KMT2D: variants seen among roughly 807,000 people sequenced by gnomAD.
KMT2D encodes lysine methyltransferase 2D, also known as histone-lysine N-methyltransferase 2D.
Under a neutral mutation model 512.7 loss-of-function variants are expected in KMT2D, and 55 were observed. The ratio of observed to expected loss-of-function variants is 0.11; its 90% CI spans 0.09 to 0.13. KMT2D has a LOEUF of 0.13. Among genes scored for constraint, KMT2D ranks in the 10% least tolerant of loss-of-function variants. The pLI is 1.00. For synonymous variants in KMT2D, 2,995 were observed against 2,904.0 expected (o/e 1.03, Z -1.01); for missense variants, 6,061 against 7,127.9 (o/e 0.85, Z 5.39).
rs552181312 is a variant in KMT2D at position 49,024,777 on chromosome 12, G to A, written c.15921+33C>T. The A allele has an allele frequency of 7.8e-5, 125 of 1,607,604 alleles. No individual in the cohort carries two copies. The highest frequency in any genetic ancestry group is 5.5e-4 in the South Asian group (50 of 90,580). On this transcript the variant is annotated intron_variant, in intron 50 of 54. Coordinates refer to ENST00000301067, the MANE Select transcript of KMT2D (RefSeq NM_003482.4). The surrounding 1 kb of genome is among the most constrained non-coding windows in gnomAD (Gnocchi z 4.5). ...GGTTAGGCCAAAGTTCTCAGTGCCC[G>A]CCAAGCCCCCCAGCTCCCAGCCCCT...
Position 49,042,215 on chromosome 12 carries a change from C to T in KMT2D, c.5983G>A (p.Gly1995Arg), listed in dbSNP as rs1393276376. The T allele has an allele frequency of 4.4e-6, 7 of 1,602,670 alleles. No individual in the cohort carries two copies. Among genetic ancestry groups the T allele is most frequent in the Admixed American group, 1.7e-5 (1 of 58,020 alleles). ...TTPTTEGEGD[G>R]LSYNQRSLQR... ...AGACTCCGCTGGTTATAGGAGAGTCCGTCGCCCTCACCCTCCGTGGTGGGG... is the reference window on the plus strand; with the variant it reads ...AGACTCCGCTGGTTATAGGAGAGTCTGTCGCCCTCACCCTCCGTGGTGGGG... Residue 1995 changes from glycine (G) to arginine (R), a missense_variant, in exon 29 of 55, where the codon GGA becomes AGA. Gly to Arg is a moderately radical substitution (Grantham distance 125, BLOSUM62 -2). This residue lies in a region of KMT2D where 640 missense variants were observed against 814.3 expected (regional missense o/e 0.79). Transcript: ENST00000301067. This position sits in a 1 kb window ranked among gnomAD's most constrained non-coding sequence, Gnocchi z 4.4.
At position 49,050,119 on chromosome 12, in the gene KMT2D, G is replaced by A. The variant is rs1430307896; in HGVS notation, c.3469C>T (p.Pro1157Ser). 10 of 1,613,342 alleles carry A rather than the reference G, an allele frequency of 6.2e-6. No individual in the cohort carries two copies. Among genetic ancestry groups the A allele is most frequent in the Non-Finnish European group, 8.5e-6 (10 of 1,179,710 alleles). The change falls in exon 12 of 55, where the codon CCC (proline) becomes TCC (serine). Residue 1157 changes from proline to serine, a missense_variant. This residue lies in a region of KMT2D where 447 missense variants were observed against 500.1 expected (regional missense o/e 0.89). Coordinates refer to ENST00000301067, the MANE Select transcript of KMT2D (RefSeq NM_003482.4). Reference protein sequence around the residue: ...ELKGSPVLLDPEELAPVTPME... With the variant: ...ELKGSPVLLDSEELAPVTPME... ...GGGGTCACAGGGGCCAGCTCCTCGG[G>A]GTCCAGGAGCACAGGGGAGCCTTTA...
intron 46 of KMT2D, among the ~76,000 whole-genome samples, chr12:49,028,487 ACTTT>A (rs1289802769): frequency 2.0e-5 from 3 of 152,184 alleles, no homozygotes; most frequent in African/African-American, 4.8e-5. Context: ...GTGTTTTCCA[ACTTT>A]CTTTGACCAC....
rs1400977969 is a variant in KMT2D, at chr12:49,052,176, G to A, written c.1507C>T (p.Leu503=). ...PLSPPPEESP[L]SPPPESSPFS... Reference sequence around the variant, plus strand: ...GGTGATGATTCAGGTGGGGGAGACAGAGGAGACTCCTCAGGCGGCGGAGAG... The same window carrying A: ...GGTGATGATTCAGGTGGGGGAGACAAAGGAGACTCCTCAGGCGGCGGAGAG... Residue 503 remains leucine (L), a synonymous_variant, in exon 11 of 55, where the codon CTG becomes TTG. Transcript: ENST00000301067. 4.3e-6 allele frequency: 7 copies of A among 1,612,944 alleles called. No individual in the cohort carries two copies. The African/African-American group carries it at 6.7e-5, about 15-fold the overall frequency.
chr12:49,034,350 C>T, intron 38 of KMT2D, 51 bp from the exon 39 acceptor site: 1 of 1,610,598 alleles, frequency 6.2e-7, no homozygotes, highest in Non-Finnish European at 8.5e-7. Context: ...ATCCCAATCC[C>T]TCTTCCTCCA....
Position 49,019,227 on chromosome 12 carries a change from T to C in KMT2D, c.*2553A>G, listed in dbSNP as rs771209128. 8 of 926,042 alleles carry C rather than the reference T, an allele frequency of 8.6e-6. No homozygotes were observed. The highest frequency in any genetic ancestry group is 1.1e-5 in the Non-Finnish European group (8 of 751,272). The allele number at this position is 926,042 out of a possible 1,614,324, so 57.4% of individuals were successfully genotyped here. A position where few individuals can be genotyped will look rare whatever the true frequency, so the allele number is the denominator to read the frequency against. ...GATACACACAACACAAAATAAAGTCTTCACGGGATTCACACTTGTCAGCGA... is the reference window on the plus strand; with the variant it reads ...GATACACACAACACAAAATAAAGTCCTCACGGGATTCACACTTGTCAGCGA... On this transcript the variant is annotated 3_prime_UTR_variant, in exon 55 of 55. Transcript: ENST00000301067.
At position 49,033,081 on chromosome 12, in the gene KMT2D, TG is replaced by T; in HGVS notation, c.11623del (p.His3875IlefsTer6). ...GTGTGACATCAGACTCTGCTGAAGA[TG>T]GGACAGCCCTGCCATGGACCCTTGC... ...QQQGSMAGLS[H>X]LQQSLMSHSG... is the part of the protein sequence containing the mutation. On this transcript the variant is annotated frameshift_variant, in exon 40 of 55. Transcript: ENST00000301067. LOFTEE classifies it high-confidence loss of function. 1 of 1,551,634 alleles carries T rather than the reference TG, an allele frequency of 6.4e-7. No homozygotes were observed. Among genetic ancestry groups the T allele is most frequent in the Non-Finnish European group, 8.7e-7 (1 of 1,146,962 alleles).
intron 1 of KMT2D, 35 bp from the exon 2 acceptor site, chr12:49,055,396 T>C: frequency 7.1e-7 from 1 of 1,399,950 alleles, no homozygotes; most frequent in Non-Finnish European, 9.9e-7. Flanking sequence ...ATATGCCTAC[T>C]AAGTCTTCCC....
intron 43 of KMT2D, 40 bp from the exon 44 acceptor site, chr12:49,029,516 G>T: frequency 6.8e-7 from 1 of 1,462,210 alleles, no homozygotes; most frequent in Non-Finnish European, 9.4e-7. Flanking sequence ...AGGTGAGGGT[G>T]GCCAGGGCTG....
chr12:49,031,974 T>A lies in KMT2D; in HGVS notation c.12731A>T (p.Gln4244Leu). 1 of 1,573,380 alleles carries A rather than the reference T, an allele frequency of 6.4e-7. No homozygotes were observed. The highest frequency in any genetic ancestry group is 1.2e-5 in the South Asian group (1 of 85,240). Residue 4244 changes from glutamine to leucine, a missense_variant, in exon 40 of 55, where the codon CAG becomes CTG. Physicochemically the swap from Gln to Leu is moderately radical, Grantham distance 113. Around this residue, in one of 16 missense-constraint regions of KMT2D, gnomAD observed 1,600 missense variants for 1,754.9 expected, o/e 0.91. Transcript: ENST00000301067. ...SQAVRQTPPY[Q>L]EPGTQTSPLQ... ...GGGAGAGGTCTGGGTCCCAGGCTCC[T>A]GGTAGGGTGGGGTCTGGCGTACTGC...
At position 49,033,463 on chromosome 12, in the gene KMT2D, G is replaced by C. The variant is rs929327515; in HGVS notation, c.11242C>G (p.Leu3748Val). 6.2e-7 allele frequency: 1 copy of C among 1,607,066 alleles called. No homozygotes were observed. Among genetic ancestry groups the C allele is most frequent in the Non-Finnish European group, 8.5e-7 (1 of 1,176,830 alleles). The change falls in exon 40 of 55, where the codon CTA becomes GTA. Residue 3748 changes from leucine to valine, a missense_variant. Around this residue, in one of 16 missense-constraint regions of KMT2D, gnomAD observed 1,600 missense variants for 1,754.9 expected, o/e 0.91. Coordinates refer to ENST00000301067, the MANE Select transcript of KMT2D (RefSeq NM_003482.4). Reference protein sequence around the residue: ...QQQQQQQQHLLGQVAIQQQQQ... With the variant: ...QQQQQQQQHLVGQVAIQQQQQ... ...TGCTGCTGGATTGCCACCTGTCCTA[G>C]AAGGTGCTGCTGCTGCTGTTGCTGC...
In KMT2D at chr12:49,031,507, C is replaced by T. The variant is rs1292780677; in HGVS notation, c.13198G>A (p.Asp4400Asn). 6.2e-7 allele frequency: 1 copy of T among 1,611,902 alleles called. No homozygotes were observed. The highest frequency in any genetic ancestry group is 1.3e-5 in the African/African-American group (1 of 74,852). The change falls in exon 40 of 55, where the codon GAC becomes AAC. Residue 4400 changes from aspartate (D) to asparagine (N), a missense_variant. Physicochemically the swap from Asp to Asn is conservative, Grantham distance 23. Transcript: ENST00000301067. ...EQSSLVPGHL[D>N]QVNGQVVPEA... ...GGCACCACCTGTCCATTCACCTGGTCCAGATGCCCAGGTACCAGGCTGCTC... is the reference window on the plus strand; with the variant it reads ...GGCACCACCTGTCCATTCACCTGGTTCAGATGCCCAGGTACCAGGCTGCTC...
At chr12:49,057,909 C>A (rs1291793093) in intron 1 of KMT2D, among the ~76,000 whole-genome samples, 1 of 152,168 alleles carries the variant, frequency 6.6e-6, no homozygotes, top group Admixed American at 6.5e-5. Context: ...CAGTCCTATA[C>A]CTAAGAGGTC....
Position 49,046,429 on chromosome 12 carries a change from T to TAGGAGC in KMT2D, c.4419-11_4419-6dup. 6.2e-7 allele frequency: 1 copy of TAGGAGC among 1,613,122 alleles called. No homozygotes were observed. Among genetic ancestry groups the TAGGAGC allele is most frequent in the Non-Finnish European group, 8.5e-7 (1 of 1,179,366 alleles). On this transcript the variant is annotated splice_region_variant and splice_polypyrimidine_tract_variant and intron_variant, in intron 16 of 54. Coordinates refer to ENST00000301067, the MANE Select transcript of KMT2D (RefSeq NM_003482.4). The surrounding 1 kb of genome is among the most constrained non-coding windows in gnomAD (Gnocchi z 4.2). Reference sequence around the variant, plus strand: ...CACTGCATACAGGACACACACCTGATAGGAGCAGGAAAACAGAGCTTTAGC... The same window carrying TAGGAGC: ...CACTGCATACAGGACACACACCTGATAGGAGCAGGAGCAGGAAAACAGAGCTTTAGC...
At chr12:49,047,709 C>A (rs1277788302) in intron 15 of KMT2D, among the ~76,000 whole-genome samples, 1 of 152,102 alleles carries the variant, frequency 6.6e-6, no homozygotes, top group Non-Finnish European at 1.5e-5. Context: ...TGGGAGCCAC[C>A]ATGCCCAGCC....
Position 49,024,584 on chromosome 12 carries a change from T to C in KMT2D, c.16046A>G (p.Tyr5349Cys). The C allele has an allele frequency of 6.2e-7, 1 of 1,611,250 alleles. No individual in the cohort carries two copies. Among genetic ancestry groups the C allele is most frequent in the Non-Finnish European group, 8.5e-7 (1 of 1,178,394 alleles). Reference sequence around the variant, plus strand: ...TCCAGCATCACAAGCTCACCGTTTGTAGTGTGTGAGGATTTTAGGCTCTGA... The same window carrying C: ...TCCAGCATCACAAGCTCACCGTTTGCAGTGTGTGAGGATTTTAGGCTCTGA... ...ARSEPKILTH[Y>C]KRPHTLNSTS... Residue 5349 changes from tyrosine to cysteine, a missense_variant, in exon 51 of 55, where the codon TAC (tyrosine) becomes TGC (cysteine). Coordinates refer to ENST00000301067, the MANE Select transcript of KMT2D (RefSeq NM_003482.4). This position sits in a 1 kb window ranked among gnomAD's most constrained non-coding sequence, Gnocchi z 4.5.
At position 49,034,108 on chromosome 12, in the gene KMT2D, C is replaced by A. The variant is rs1386940539; in HGVS notation, c.10699G>T (p.Val3567Phe). 1.2e-6 allele frequency: 2 copies of A among 1,613,080 alleles called. No individual in the cohort carries two copies. Among genetic ancestry groups the A allele is most frequent in the Non-Finnish European group, 1.7e-6 (2 of 1,179,884 alleles). The change falls in exon 39 of 55, where the codon GTT becomes TTT. Residue 3567 changes from valine (V) to phenylalanine (F), a missense_variant. Val to Phe is a conservative substitution (Grantham distance 50, BLOSUM62 -1). Around this residue, in one of 16 missense-constraint regions of KMT2D, gnomAD observed 50 missense variants for 119.9 expected, o/e 0.42. Transcript: ENST00000301067. Reference protein sequence around the residue: ...PEADAEKLKLVTEQQSKIQKQ... With the variant: ...PEADAEKLKLFTEQQSKIQKQ... ...TGGATCTTGCTCTGCTGCTCTGTAA[C>A]CAGCTTGAGCTTCTCAGCATCAGCT...
intron 15 of KMT2D, 32 bp downstream of exon 15, chr12:49,047,933 C>G (rs1341496817): frequency 6.8e-7 from 1 of 1,474,366 alleles, no homozygotes; most frequent in South Asian, 1.1e-5. Context: ...GACCCTATTC[C>G]CCAGCCTACA....
rs1206271214 is a variant in KMT2D at position 49,024,288 on chromosome 12, G to C, written c.16052+290C>G. 6.6e-6 allele frequency among the ~76,000 whole-genome samples: 1 copy of C among 152,126 alleles called. No homozygotes were observed. The highest frequency in any genetic ancestry group is 2.4e-5 in the African/African-American group (1 of 41,416). On this transcript the variant is annotated intron_variant, in intron 51 of 54. Transcript: ENST00000301067. The surrounding 1 kb of genome is among the most constrained non-coding windows in gnomAD (Gnocchi z 4.5). ...CAGAAGTAAAACAGGAGAAGAAAGA[G>C]GTGACCAAGTCCCTTATATATTTCA...
Sources: gnomAD v4.1 joint callset for allele counts (sites outside exome capture counted in the v4.1 genomes callset) on GRCh38, gnomAD v4.1.1 for gene constraint, gnomAD v4.1.1 regional missense constraint, Gnocchi (gnomAD v3.1) non-coding constraint, MANE v1.5 for transcripts, NCBI Gene and HGNC (gene_info 2026-07-23, HGNC 2026-07-21) for gene names.